The following PRELID2 variants were observed in gnomAD, a reference collection of about 807,000 sequenced individuals.
PRELID2 encodes PRELI domain-containing protein 2.
In PRELID2, 25 loss-of-function variants were observed where a neutral mutation model predicts 28.4. The observed-to-expected ratio is 0.88, with a 90% confidence interval of 0.64 to 1.23. PRELID2 has a LOEUF of 1.23. Among genes scored for constraint, PRELID2 ranks in the 50% most tolerant of loss-of-function variants. The probability of loss-of-function intolerance (pLI) is 0.00; values close to 1 mark genes in which losing one functional copy is unlikely to be tolerated. For missense variants in PRELID2, 201 were observed against 214.4 expected (o/e 0.94, Z 0.39); for synonymous variants, 76 against 71.6 (o/e 1.06, Z -0.31).
chr5:145,539,400 C>T (rs1752728697), intron 1 of PRELID2, among the ~76,000 whole-genome samples: 2 of 152,104 alleles, frequency 1.3e-5, no homozygotes, highest in Admixed American at 1.3e-4. Context: ...CCTATTACAT[C>T]AGAATCTGGG....
At chr5:145,289,009 C>G in the PRELID2 span, among the ~76,000 whole-genome samples, 1 of 152,098 alleles carries the variant, frequency 6.6e-6, no homozygotes, top group Non-Finnish European at 1.5e-5. Flanking sequence ...AAGATTTCAC[C>G]CATTACAAAG....
chr5:145,596,658 T>A (rs1218225588), intron 1 of PRELID2, among the ~76,000 whole-genome samples: 4 of 152,132 alleles, frequency 2.6e-5, no homozygotes, highest in African/African-American at 9.7e-5. Flanking sequence ...ACAAACACTG[T>A]GATTTATTCT....
intron 2 of PRELID2, among the ~76,000 whole-genome samples, chr5:145,821,392 T>C (rs1481320621): frequency 6.6e-6 from 1 of 152,008 alleles, no homozygotes; most frequent in East Asian, 1.9e-4. Context: ...TCTGTCCTGC[T>C]CATACCTGAC....
At chr5:145,606,171 A>C (rs2149641505) in intron 1 of PRELID2, among the ~76,000 whole-genome samples, 1 of 152,246 alleles carries the variant, frequency 6.6e-6, no homozygotes, top group Non-Finnish European at 1.5e-5. Flanking sequence ...TTTAGGGCCA[A>C]GACTATGGGG....
chr5:145,475,953 T>C (rs942193315), intron 1 of PRELID2, among the ~76,000 whole-genome samples: 9 of 152,210 alleles, frequency 5.9e-5, no homozygotes, highest in African/African-American at 2.2e-4. Context: ...ATTTAAATGC[T>C]AATGGTCTAA....
chr5:145,560,632 G>C (rs189390062), intron 1 of PRELID2, among the ~76,000 whole-genome samples: 1 of 152,346 alleles, frequency 6.6e-6, no homozygotes, highest in Admixed American at 6.5e-5. Flanking sequence ...CAGTGAAGCT[G>C]TGCTTAGCAA....
intron 1 of PRELID2, among the ~76,000 whole-genome samples, chr5:145,729,755 G>A (rs1340065091): frequency 6.6e-6 from 1 of 152,154 alleles, no homozygotes; most frequent in Non-Finnish European, 1.5e-5. Flanking sequence ...ATGTTGGGGT[G>A]ATCAGACCCA....
intron 1 of PRELID2, among the ~76,000 whole-genome samples, chr5:145,544,485 T>C (rs2126675166): frequency 6.6e-6 from 1 of 152,230 alleles, no homozygotes; most frequent in Non-Finnish European, 1.5e-5. Context: ...AAATTGACAT[T>C]CTATTATAGA....
At chr5:145,644,284 T>C (rs556634615) in intron 1 of PRELID2, among the ~76,000 whole-genome samples, 51 of 152,344 alleles carry the variant, frequency 3.3e-4, no homozygotes, top group African/African-American at 1.2e-3. Flanking sequence ...TTCTAGATTT[T>C]CCAGTTTATT....
intron 1 of PRELID2, among the ~76,000 whole-genome samples, chr5:145,627,310 A>G (rs1352678081): frequency 2.0e-5 from 3 of 151,960 alleles, no homozygotes; most frequent in Non-Finnish European, 4.4e-5. Context: ...GTGGTAAACA[A>G]TGGGTATACA....
At chr5:145,740,730 A>G (rs1315401897) in intron 1 of PRELID2, among the ~76,000 whole-genome samples, 1 of 117,700 alleles carries the variant, frequency 8.5e-6, no homozygotes, top group Non-Finnish European at 1.6e-5. Flanking sequence ...ATTACATTAA[A>G]TATTATATAT....
At chr5:145,254,164 T>C in the PRELID2 span, among the ~76,000 whole-genome samples, 1 of 152,278 alleles carries the variant, frequency 6.6e-6, no homozygotes, top group South Asian at 2.1e-4. Context: ...ACAAAATTCA[T>C]GAATAATGAG....
intron 1 of PRELID2, among the ~76,000 whole-genome samples, chr5:145,709,158 A>G (rs986529532): frequency 8.5e-5 from 13 of 152,114 alleles, no homozygotes; most frequent in East Asian, 7.7e-4. Flanking sequence ...CCGCCTACCA[A>G]ACCCTACAGA....
At chr5:145,559,941 G>T (rs1399921272) in intron 1 of PRELID2, among the ~76,000 whole-genome samples, 3 of 151,978 alleles carry the variant, frequency 2.0e-5, no homozygotes, top group Admixed American at 6.6e-5. Flanking sequence ...TTATGGTGGG[G>T]TCATGTTCCA....
chr5:145,252,537 T>A, the PRELID2 span, among the ~76,000 whole-genome samples: 1 of 152,168 alleles, frequency 6.6e-6, no homozygotes, highest in East Asian at 1.9e-4. Context: ...ACATAATTCC[T>A]AGTACAAAGG....
At chr5:145,525,099 A>G (rs1419507116) in intron 1 of PRELID2, among the ~76,000 whole-genome samples, 1 of 152,242 alleles carries the variant, frequency 6.6e-6, no homozygotes, top group East Asian at 1.9e-4. Context: ...GTGTTATCTC[A>G]TTCAACCTTC....
chr5:145,317,065 C>T, the PRELID2 span, among the ~76,000 whole-genome samples: 1 of 152,182 alleles, frequency 6.6e-6, no homozygotes, highest in Non-Finnish European at 1.5e-5. Context: ...AGCTGGAAGA[C>T]AAGTGCTTTA....
At chr5:145,637,564 G>A (rs1456412448) in intron 1 of PRELID2, among the ~76,000 whole-genome samples, 1 of 151,774 alleles carries the variant, frequency 6.6e-6, no homozygotes, top group Admixed American at 6.6e-5. Context: ...TTAACTGTCA[G>A]AAGAAAACTT....
At chr5:145,271,177 C>T in the PRELID2 span, among the ~76,000 whole-genome samples, 7 of 152,218 alleles carry the variant, frequency 4.6e-5, no homozygotes, top group Admixed American at 6.5e-5. Flanking sequence ...TCATTAGAGA[C>T]GAGATTTGGC....
Sources: allele counts gnomAD v4.1 joint callset (sites outside exome capture counted in the v4.1 genomes callset), GRCh38; gene constraint gnomAD v4.1.1; transcripts MANE v1.5; gene names NCBI Gene and HGNC (gene_info 2026-07-23, HGNC 2026-07-21).